Variants in TMEM131 observed in about 807,000 individuals in gnomAD.
The protein encoded by TMEM131 is 2610524E03Rik.
Under a neutral mutation model 211.6 loss-of-function variants are expected in TMEM131, and 66 were observed. The observed-to-expected ratio is 0.31, with a 90% CI of 0.26 to 0.38. TMEM131 has a LOEUF of 0.38. Ranked by LOEUF, TMEM131 falls within the 10% of genes least tolerant of loss-of-function variation. The probability of loss-of-function intolerance (pLI) is 1.00; values close to 1 mark genes in which losing one functional copy is unlikely to be tolerated. For synonymous variants in TMEM131, 844 were observed against 841.3 expected, an observed-to-expected ratio of 1.00 and a Z score of -0.06; for missense variants, 2,036 against 2,299.3, an observed-to-expected ratio of 0.89 and a Z score of 2.34.
At chr2:97,908,762 G>GT in intron 2 of TMEM131, 64 bp from the exon 3 acceptor site, 2 of 1,332,044 alleles carry the variant, frequency 1.5e-6, no homozygotes, top group Non-Finnish European at 2.1e-6. Flanking sequence ...CAGACATATG[G>GT]AATATCCAAA....
chr2:97,897,663 G>C (rs1675670174), intron 3 of TMEM131, among the ~76,000 whole-genome samples: 1 of 152,118 alleles, frequency 6.6e-6, no homozygotes, highest in Non-Finnish European at 1.5e-5. Context: ...TTCTGTTAGA[G>C]ATTTCTGAAT....
chr2:97,866,730 T>C (rs1253315602), intron 4 of TMEM131, among the ~76,000 whole-genome samples: 1 of 152,238 alleles, frequency 6.6e-6, no homozygotes, highest in African/African-American at 2.4e-5. Flanking sequence ...TCCCTTTTGA[T>C]TTATTCGATT....
At chr2:97,882,057 T>C (rs1006895706) in intron 4 of TMEM131, among the ~76,000 whole-genome samples, 3 of 152,258 alleles carry the variant, frequency 2.0e-5, no homozygotes, top group East Asian at 3.8e-4. Context: ...GTCCCAAGAC[T>C]ACTTTCAAGT....
rs1678482104 is a variant in TMEM131, at chr2:97,756,396, A to G, written c.*703T>C. 1 of 152,258 alleles carries G rather than the reference A, an allele frequency of 6.6e-6. No homozygotes were observed. Among genetic ancestry groups the G allele is most frequent in the Admixed American group, 6.5e-5 (1 of 15,284 alleles). The allele number at this position is 152,258 out of a possible 1,614,324, so 9.4% of individuals were successfully genotyped here. On this transcript the variant is annotated 3_prime_UTR_variant, in exon 41 of 41. Coordinates refer to ENST00000186436, the MANE Select transcript of TMEM131 (RefSeq NM_015348.2). ...ACAAAGTTGTATTTTTAAGAAATACACATTCAATCTTGTATCTCAAGACTT... is the reference window on the plus strand; with the variant it reads ...ACAAAGTTGTATTTTTAAGAAATACGCATTCAATCTTGTATCTCAAGACTT...
intron 1 of TMEM131, among the ~76,000 whole-genome samples, chr2:97,978,897 G>C (rs1163608290): frequency 1.3e-5 from 2 of 152,112 alleles, no homozygotes; most frequent in African/African-American, 4.8e-5. Flanking sequence ...ATCCAACTGA[G>C]GACTCAGTCT....
At chr2:97,794,072 C>CT (rs1172357837) in intron 29 of TMEM131, among the ~76,000 whole-genome samples, 1 of 137,430 alleles carries the variant, frequency 7.3e-6, no homozygotes. Context: ...CTCTTTCTTT[C>CT]TTTTTTTTCC....
chr2:97,906,919 A>G (rs926146262), intron 3 of TMEM131, among the ~76,000 whole-genome samples: 4 of 152,202 alleles, frequency 2.6e-5, no homozygotes, highest in Admixed American at 6.5e-5. Flanking sequence ...TAAGTAGAGC[A>G]TGAGATGAGA....
chr2:97,827,511 C>T (rs950028018), intron 11 of TMEM131: 42 of 1,066,496 alleles, frequency 3.9e-5, no homozygotes, highest in Non-Finnish European at 5.9e-5. Flanking sequence ...AGAGTCCAGC[C>T]TCTGATGAAG....
In TMEM131 at chr2:97,874,756, T is replaced by C. The variant is rs1232609508; in HGVS notation, c.359+13296A>G. Among the ~76,000 whole-genome samples, 3 of 152,092 alleles carry C rather than the reference T, an allele frequency of 2.0e-5. No homozygotes were observed. The East Asian group carries it at 5.8e-4, about 29-fold the overall frequency. ...ATATGGACAGGAACAACCAGTAGCA[T>C]CCACTGTAAAAATATACTAAATTGT... On this transcript the variant is annotated intron_variant, in intron 4 of 40. Coordinates refer to ENST00000186436, the MANE Select transcript of TMEM131 (RefSeq NM_015348.2).
At chr2:97,864,206 G>A (rs1251702373) in intron 4 of TMEM131, among the ~76,000 whole-genome samples, 1 of 152,254 alleles carries the variant, frequency 6.6e-6, no homozygotes, top group East Asian at 1.9e-4. Flanking sequence ...TAGAGAGTAG[G>A]AGGATGGTTA....
chr2:97,964,354 T>G (rs1225595387), intron 1 of TMEM131, among the ~76,000 whole-genome samples: 1 of 152,238 alleles, frequency 6.6e-6, no homozygotes, highest in East Asian at 1.9e-4. Context: ...CACTTCCTAT[T>G]ACTGAAAATG....
chr2:97,787,945 G>A (rs1006765627), intron 31 of TMEM131, among the ~76,000 whole-genome samples: 9 of 152,012 alleles, frequency 5.9e-5, no homozygotes, highest in Admixed American at 2.6e-4. Flanking sequence ...CACCATCCTC[G>A]AAATTCAATC....
At chr2:97,925,969 GGGCATGGT>G (rs1553615287) in intron 2 of TMEM131, among the ~76,000 whole-genome samples, 1 of 151,952 alleles carries the variant, frequency 6.6e-6, no homozygotes, top group Non-Finnish European at 1.5e-5. Context: ...AAAATTAGCT[GGGCATGGT>G]GGCAGGCGCC....
chr2:97,807,832 C>T (rs939129865), intron 19 of TMEM131, among the ~76,000 whole-genome samples: 5 of 54,522 alleles, frequency 9.2e-5, no homozygotes, highest in Non-Finnish European at 1.7e-4. Context: ...GGATAAATAA[C>T]GAAGAGTTTA....
intron 6 of TMEM131, among the ~76,000 whole-genome samples, chr2:97,843,494 C>T (rs1683292981): frequency 6.6e-6 from 1 of 152,060 alleles, no homozygotes; most frequent in South Asian, 2.1e-4. Context: ...CACCACTGTG[C>T]CCAGTTAATT....
chr2:97,867,423 T>C (rs1386867934), intron 4 of TMEM131, among the ~76,000 whole-genome samples: 1 of 152,248 alleles, frequency 6.6e-6, no homozygotes, highest in Non-Finnish European at 1.5e-5. Context: ...TTGACCCTTT[T>C]GTAATCATAA....
chr2:97,989,277 C>CAAA (rs768850056), intron 1 of TMEM131, among the ~76,000 whole-genome samples: 40 of 103,876 alleles, frequency 3.9e-4, no homozygotes, highest in African/African-American at 8.9e-4. Flanking sequence ...AAAAACAAAA[C>CAAA]AAAAAAAAAA....
Position 97,834,805 on chromosome 2 carries a change from T to A in TMEM131, c.925A>T (p.Ile309Phe). ...GTAACTTCAACCTCAACAGGAAGAA[T>A]GATAAACTCTGTGCTGTCTGAAGCA... ...TNASDSTEFI[I>F]LPVEVEVTTA... Residue 309 changes from isoleucine to phenylalanine, a missense_variant, in exon 9 of 41, where the codon ATT (isoleucine) becomes TTT (phenylalanine). Around this residue, in one of 3 missense-constraint regions of TMEM131, gnomAD observed 277 missense variants for 378.0 expected, o/e 0.73. Coordinates refer to ENST00000186436, the MANE Select transcript of TMEM131 (RefSeq NM_015348.2). The A allele has an allele frequency of 6.2e-7, 1 of 1,613,720 alleles. No individual in the cohort carries two copies.
At chr2:97,809,564 T>A (rs1364246400) in intron 19 of TMEM131, 124 bp downstream of exon 19, 1 of 696,278 alleles carries the variant, frequency 1.4e-6, no homozygotes, top group East Asian at 2.8e-5. Flanking sequence ...GAACCTGGTA[T>A]AATGTCTTTA....
Sources: allele counts gnomAD v4.1 joint callset (sites outside exome capture counted in the v4.1 genomes callset), GRCh38; gene constraint gnomAD v4.1.1; regional missense constraint gnomAD v4.1.1; transcripts MANE v1.5; gene names NCBI Gene and HGNC (gene_info 2026-07-23, HGNC 2026-07-21).